Variants in DHTKD1 observed in about 807,000 individuals in gnomAD.
DHTKD1 encodes 2-oxoadipate dehydrogenase complex component E1.
A neutral mutation model predicts 101.8 loss-of-function variants in DHTKD1; 78 were observed. That is an observed-to-expected ratio of 0.77 (90% confidence interval 0.64 to 0.93). The LOEUF is 0.93. Among genes scored for constraint, DHTKD1 ranks in the 40% least tolerant of loss-of-function variants. The probability of loss-of-function intolerance (pLI) is 0.00; values close to 1 mark genes in which losing one functional copy is unlikely to be tolerated. For missense variants in DHTKD1, 1,223 were observed against 1,161.7 expected, an observed-to-expected ratio of 1.05 and a Z score of -0.77; for synonymous variants, 462 against 450.3, an observed-to-expected ratio of 1.03 and a Z score of -0.33.
chr10:12,102,647 T>C (rs1833189011), intron 10 of DHTKD1, among the ~76,000 whole-genome samples: 3 of 152,178 alleles, frequency 2.0e-5, no homozygotes, highest in Admixed American at 1.3e-4. Context: ...AATTTTGCTA[T>C]TGAAAAAGTC....
chr10:12,100,287 G>GTTGTTTTTTTTTTTT (rs1833142914), intron 9 of DHTKD1, 25 bp downstream of exon 9: 2 of 248,610 alleles, frequency 8.0e-6, no homozygotes, highest in African/African-American at 7.5e-5. Context: ...TTTTTTTTCT[G>GTTGTTTTTTTTTTTT]TTTTTTTTTT....
Position 12,101,191 on chromosome 10 carries a change from T to A in DHTKD1, c.1896+10T>A, listed in dbSNP as rs1252503880. On this transcript the variant is annotated intron_variant, in intron 10 of 16. Transcript: ENST00000263035. ...GAAGGGGTTTCTAGAGGTGAGATGT[T>A]TCTATAGCTGTTGTAAAATCCAGGT... is the stretch of plus-strand genomic sequence containing the variant. The A allele has an allele frequency of 3.7e-6, 6 of 1,605,234 alleles. No individual in the cohort carries two copies. Among genetic ancestry groups the A allele is most frequent in the Non-Finnish European group, 5.1e-6 (6 of 1,176,748 alleles).
chr10:12,120,846 C>A lies in DHTKD1; in HGVS notation c.2718C>A (p.His906Gln). 6 of 1,614,136 alleles carry A rather than the reference C, an allele frequency of 3.7e-6. No homozygotes were observed. The highest frequency in any genetic ancestry group is 4.2e-6 in the Non-Finnish European group (5 of 1,179,984). ...PVPAVGIGTV[H>Q]LHQHEDILAK... ...CCGCTGTAGGAATTGGCACAGTTCA[C>A]TTGCACCAGCATGAAGATATCCTCG... Residue 906 changes from histidine to glutamine, a missense_variant, in exon 17 of 17, where the codon CAC becomes CAA. Transcript: ENST00000263035.
chr10:12,074,719 C>T (rs985377679), intron 1 of DHTKD1, among the ~76,000 whole-genome samples: 2 of 151,396 alleles, frequency 1.3e-5, no homozygotes, highest in African/African-American at 2.4e-5. Context: ...GCCTGGGCCA[C>T]GGAGTGACTA....
chr10:12,110,084 G>A lies in DHTKD1; in HGVS notation c.2154+2069G>A, dbSNP rs1410249788. On this transcript the variant is annotated intron_variant, in intron 12 of 16. Transcript: ENST00000263035. The surrounding 1 kb of genome is among the most constrained non-coding windows in gnomAD (Gnocchi z 4.9). The stretch of plus-strand genomic sequence containing the variant: ...GAGGCCGAGGCGGGCGGATCATGAG[G>A]TCAGGAGATGAAGACCATCCTGGCT... Among the ~76,000 whole-genome samples, 1 of 152,070 alleles carries A rather than the reference G, an allele frequency of 6.6e-6. No individual in the cohort carries two copies. Among genetic ancestry groups the A allele is most frequent in the African/African-American group, 2.4e-5 (1 of 41,406 alleles).
intron 16 of DHTKD1, among the ~76,000 whole-genome samples, 199 bp from the exon 17 acceptor site, chr10:12,120,588 G>T (rs1833512060): frequency 6.6e-6 from 1 of 151,938 alleles, no homozygotes; most frequent in African/African-American, 2.4e-5. Flanking sequence ...CGCCCACCTC[G>T]GCCTCCCAAA....
intron 2 of DHTKD1, among the ~76,000 whole-genome samples, chr10:12,084,329 T>A (rs78572106): frequency 6.6e-6 from 1 of 151,790 alleles, no homozygotes; most frequent in Non-Finnish European, 1.5e-5. Flanking sequence ...AAATTTTTTT[T>A]AAATATGAAA....
intron 4 of DHTKD1, among the ~76,000 whole-genome samples, chr10:12,088,473 A>C (rs906319490): frequency 6.8e-6 from 1 of 147,482 alleles, no homozygotes; most frequent in Admixed American, 6.8e-5. Context: ...TCCTGTCTTA[A>C]AAAAAAAAAA....
chr10:12,118,451 T>G (rs183529715), intron 14 of DHTKD1, among the ~76,000 whole-genome samples: 2 of 151,390 alleles, frequency 1.3e-5, no homozygotes, highest in African/African-American at 4.9e-5. Context: ...GGCACGATCT[T>G]GGCTCACTGC....
At chr10:12,106,581 G>A (rs1833251840) in intron 11 of DHTKD1, among the ~76,000 whole-genome samples, 185 bp downstream of exon 11, 1 of 152,114 alleles carries the variant, frequency 6.6e-6, no homozygotes, top group Non-Finnish European at 1.5e-5. Flanking sequence ...TGTGTTACTG[G>A]GACAAAAACC....
At chr10:12,112,752 C>G (rs1384929475) in intron 12 of DHTKD1, 148 bp from the exon 13 acceptor site, 1 of 733,700 alleles carries the variant, frequency 1.4e-6, no homozygotes, top group East Asian at 3.0e-5. Flanking sequence ...TTCATAAATT[C>G]ACCTGCTGAT....
chr10:12,087,586 G>T lies in DHTKD1; in HGVS notation c.574G>T (p.Gly192Cys), dbSNP rs1832922282. 1 of 1,613,478 alleles carries T rather than the reference G, an allele frequency of 6.2e-7. No individual in the cohort carries two copies. Among genetic ancestry groups the T allele is most frequent in the Non-Finnish European group, 8.5e-7 (1 of 1,179,808 alleles). ...TKFSTVKRYGGEGAESMMGFF... is the reference protein window; with the variant it reads ...TKFSTVKRYGCEGAESMMGFF... ...GTTCTCGACAGTGAAGCGATATGGA[G>T]GCGAAGGGGCTGAAAGCATGATGGG... Residue 192 changes from glycine to cysteine, a missense_variant, in exon 4 of 17, where the codon GGC becomes TGC. Transcript: ENST00000263035. The surrounding 1 kb of genome is among the most constrained non-coding windows in gnomAD (Gnocchi z 5.2).
chr10:12,079,646 G>A (rs938480778), intron 1 of DHTKD1, among the ~76,000 whole-genome samples: 1 of 151,902 alleles, frequency 6.6e-6, no homozygotes, highest in Non-Finnish European at 1.5e-5. Flanking sequence ...CCAGCCTGGC[G>A]ATAGAGTGAG....
At chr10:12,100,939 G>C (rs1833158993) in intron 9 of DHTKD1, 103 bp from the exon 10 acceptor site, 4 of 1,197,990 alleles carry the variant, frequency 3.3e-6, no homozygotes, top group Non-Finnish European at 4.8e-6. Flanking sequence ...TTATCCTAAG[G>C]AAAATTCTCA....
At chr10:12,089,317 G>T in intron 5 of DHTKD1, 62 bp downstream of exon 5, 1 of 1,511,396 alleles carries the variant, frequency 6.6e-7, no homozygotes, top group Non-Finnish European at 9.1e-7. Flanking sequence ...TGTGTGGGTT[G>T]GGAGGGCTGA....
intron 13 of DHTKD1, among the ~76,000 whole-genome samples, 153 bp from the exon 14 acceptor site, chr10:12,117,520 A>AT (rs1407520636): frequency 6.6e-6 from 1 of 152,004 alleles, no homozygotes; most frequent in Non-Finnish European, 1.5e-5. Context: ...CAGAACTGAT[A>AT]TTTTTTGGCA....
At chr10:12,101,449 T>C (rs561891159) in intron 10 of DHTKD1, among the ~76,000 whole-genome samples, 1 of 152,344 alleles carries the variant, frequency 6.6e-6, no homozygotes, top group Admixed American at 6.5e-5. Context: ...AAGTTGACAT[T>C]ATCATCTGCA....
intron 5 of DHTKD1, among the ~76,000 whole-genome samples, chr10:12,091,059 A>C (rs1832982950): frequency 6.6e-6 from 1 of 152,074 alleles, no homozygotes; most frequent in Non-Finnish European, 1.5e-5. Flanking sequence ...GTCTCAAAAA[A>C]AAACAAAAAA....
chr10:12,113,065 G>T lies in DHTKD1; in HGVS notation c.2319+1G>T. On this transcript the variant is annotated splice_donor_variant, in intron 13 of 16. Coordinates refer to ENST00000263035, the MANE Select transcript of DHTKD1 (RefSeq NM_018706.7). LOFTEE classifies it high-confidence loss of function. ...CCCTAAGATGTTACTCAGGCTCCCG[G>T]TAAGCAGAAGGTGGTGAATAAGCCT... 1 of 1,602,196 alleles carries T rather than the reference G, an allele frequency of 6.2e-7. No homozygotes were observed. The highest frequency in any genetic ancestry group is 8.5e-7 in the Non-Finnish European group (1 of 1,174,582).
Sources: gnomAD v4.1 joint callset for allele counts (sites outside exome capture counted in the v4.1 genomes callset) on GRCh38, gnomAD v4.1.1 for gene constraint, Gnocchi (gnomAD v3.1) non-coding constraint, MANE v1.5 for transcripts, NCBI Gene and HGNC (gene_info 2026-07-23, HGNC 2026-07-21) for gene names.